The following ULK4 variants were observed in gnomAD, a reference collection of about 807,000 sequenced individuals.
The protein encoded by ULK4 is unc-51 like kinase 4, also known as inactive serine/threonine-protein kinase ULK4.
Under a neutral mutation model 160.6 loss-of-function variants are expected in ULK4, and 133 were observed. That is an observed-to-expected ratio of 0.83 (90% CI 0.72 to 0.96). The LOEUF is 0.96. Ranked by LOEUF, ULK4 falls within the 40% of genes least tolerant of loss-of-function variation. The probability of loss-of-function intolerance (pLI) is 0.00; values close to 1 mark genes in which losing one functional copy is unlikely to be tolerated. For synonymous variants in ULK4, 534 were observed against 539.8 expected (o/e 0.99, Z 0.15); for missense variants, 1,580 against 1,499.5 (o/e 1.05, Z -0.89).
chr3:41,731,165 A>G (rs1445156865), intron 22 of ULK4, among the ~76,000 whole-genome samples: 1 of 150,438 alleles, frequency 6.6e-6, no homozygotes, highest in Admixed American at 6.6e-5. Flanking sequence ...CTTTTATTCA[A>G]TGTAGGCAAG....
At chr3:41,513,415 A>T (rs1441781760) in intron 32 of ULK4, among the ~76,000 whole-genome samples, 2 of 152,214 alleles carry the variant, frequency 1.3e-5, no homozygotes, top group African/African-American at 4.8e-5. Flanking sequence ...AGGTAGGCGG[A>T]TCATGAGGTC....
intron 2 of ULK4, among the ~76,000 whole-genome samples, chr3:41,946,572 T>C (rs1458880888): frequency 6.6e-6 from 1 of 152,204 alleles, no homozygotes; most frequent in African/African-American, 2.4e-5. Context: ...ATATTCCTTA[T>C]TCTCTTGGAA....
At chr3:41,671,497 ACT>A (rs1354057278) in intron 29 of ULK4, among the ~76,000 whole-genome samples, 1 of 152,044 alleles carries the variant, frequency 6.6e-6, no homozygotes, top group African/African-American at 2.4e-5. Context: ...AAGAAAGGAC[ACT>A]CTCTTCAAAT....
chr3:41,751,172 C>T (rs2038616227), intron 22 of ULK4, among the ~76,000 whole-genome samples: 1 of 151,914 alleles, frequency 6.6e-6, no homozygotes, highest in Non-Finnish European at 1.5e-5. Context: ...ATGGGTGTGG[C>T]AAAGAAGCAG....
At chr3:41,933,833 T>C (rs1216191203) in intron 4 of ULK4, among the ~76,000 whole-genome samples, 1 of 152,122 alleles carries the variant, frequency 6.6e-6, no homozygotes, top group Non-Finnish European at 1.5e-5. Flanking sequence ...TAGGATCACC[T>C]GAGGTCAGGA....
At chr3:41,514,202 C>G (rs1400897109) in intron 32 of ULK4, among the ~76,000 whole-genome samples, 1 of 152,048 alleles carries the variant, frequency 6.6e-6, no homozygotes, top group Non-Finnish European at 1.5e-5. Flanking sequence ...TTTAAATGAT[C>G]AAGAACCACA....
chr3:41,449,110 G>T (rs543108953), intron 34 of ULK4, among the ~76,000 whole-genome samples: 1 of 152,166 alleles, frequency 6.6e-6, no homozygotes, highest in South Asian at 2.1e-4. Context: ...TAGATACAGG[G>T]TTTCACCATA....
At chr3:41,380,454 C>T (rs147045577) in intron 35 of ULK4, among the ~76,000 whole-genome samples, 10 of 152,238 alleles carry the variant, frequency 6.6e-5, no homozygotes, top group African/African-American at 1.4e-4. Flanking sequence ...CTTACCATAC[C>T]GTCAGAGTAA....
intron 31 of ULK4, 75 bp downstream of exon 31, chr3:41,615,594 A>G: frequency 6.9e-7 from 1 of 1,451,810 alleles, no homozygotes. Flanking sequence ...TTAGCAACAC[A>G]GTCCTACAAC....
chr3:41,864,743 T>C (rs1477857661), intron 17 of ULK4, among the ~76,000 whole-genome samples: 2 of 152,084 alleles, frequency 1.3e-5, no homozygotes, highest in Non-Finnish European at 2.9e-5. Flanking sequence ...CTAAATCTTA[T>C]CCACTTCATT....
intron 18 of ULK4, among the ~76,000 whole-genome samples, chr3:41,827,390 T>C (rs544665458): frequency 6.6e-6 from 1 of 151,938 alleles, no homozygotes; most frequent in East Asian, 1.9e-4. Context: ...TTTGAAAAGA[T>C]CAACAAAATT....
intron 33 of ULK4, among the ~76,000 whole-genome samples, chr3:41,459,999 A>C (rs1223033844): frequency 1.3e-5 from 2 of 152,210 alleles, no homozygotes; most frequent in Non-Finnish European, 2.9e-5. Context: ...GCATTCAACA[A>C]CCAGGCAGAG....
At chr3:41,492,322 G>T (rs1265831488) in intron 32 of ULK4, among the ~76,000 whole-genome samples, 1 of 152,062 alleles carries the variant, frequency 6.6e-6, no homozygotes, top group Non-Finnish European at 1.5e-5. Context: ...CTTCCACAAT[G>T]GTTGAACTAG....
chr3:41,819,399 CAG>C, intron 19 of ULK4, 22 bp downstream of exon 19: 1 of 1,606,234 alleles, frequency 6.2e-7, no homozygotes, highest in Admixed American at 1.7e-5. Flanking sequence ...CCAGCATCTA[CAG>C]AGGACAACAA....
intron 32 of ULK4, among the ~76,000 whole-genome samples, chr3:41,510,231 A>G (rs562823822): frequency 6.6e-6 from 1 of 152,332 alleles, no homozygotes; most frequent in African/African-American, 2.4e-5. Context: ...TTAAAAAGAC[A>G]AAGAAGGACA....
At chr3:41,646,968 C>T (rs2034524991) in intron 30 of ULK4, among the ~76,000 whole-genome samples, 1 of 152,230 alleles carries the variant, frequency 6.6e-6, no homozygotes, top group African/African-American at 2.4e-5. Context: ...GATACCCTTT[C>T]TTCCAGTTGA....
At chr3:41,490,078 T>A (rs1056877401) in intron 32 of ULK4, among the ~76,000 whole-genome samples, 1 of 152,158 alleles carries the variant, frequency 6.6e-6, no homozygotes, top group African/African-American at 2.4e-5. Flanking sequence ...ACTGTGCCCC[T>A]TTTGCTGTGT....
At chr3:41,319,602 A>G (rs2129647) in intron 35 of ULK4, among the ~76,000 whole-genome samples, 12,996 of 152,252 alleles carry the variant, frequency 0.085, 1,420 homozygotes, top group African/African-American at 0.25. Context: ...ATCATGTCCA[A>G]TCTGCCAAAG....
chr3:41,436,481 G>A (rs967078410), intron 34 of ULK4, among the ~76,000 whole-genome samples: 8 of 152,092 alleles, frequency 5.3e-5, no homozygotes, highest in Non-Finnish European at 1.2e-4. Flanking sequence ...TATCTCTTGG[G>A]TGAATTTTTA....
Sources: allele counts gnomAD v4.1 joint callset (sites outside exome capture counted in the v4.1 genomes callset), GRCh38; gene constraint gnomAD v4.1.1; transcripts MANE v1.5; gene names NCBI Gene and HGNC (gene_info 2026-07-23, HGNC 2026-07-21).